ADRA1A: variants seen among roughly 807,000 people sequenced by gnomAD.
The protein encoded by ADRA1A is adrenoceptor alpha 1A.
In ADRA1A, 31 loss-of-function variants were observed where a neutral mutation model predicts 29.6. The observed-to-expected ratio is 1.05, with a 90% CI of 0.79 to 1.41. The LOEUF is 1.41. Among genes scored for constraint, ADRA1A ranks in the 40% most tolerant of loss-of-function variants. ADRA1A has a pLI of 0.00. For missense variants in ADRA1A, 619 were observed against 601.1 expected (o/e 1.03, Z -0.31); for synonymous variants, 311 against 254.3 (o/e 1.22, Z -2.12).
intron 2 of ADRA1A, among the ~76,000 whole-genome samples, chr8:26,845,369 C>T (rs1812123294): frequency 6.6e-6 from 1 of 152,138 alleles, no homozygotes; most frequent in Non-Finnish European, 1.5e-5. Context: ...TAGGGAAATG[C>T]AAAGCAACAT....
intron 2 of ADRA1A, among the ~76,000 whole-genome samples, chr8:26,816,671 G>A (rs947346501): frequency 6.6e-6 from 1 of 152,110 alleles, no homozygotes; most frequent in Non-Finnish European, 1.5e-5. Flanking sequence ...ACAAACACTC[G>A]AGTGGACACT....
chr8:26,819,038 C>T (rs1809968412), intron 2 of ADRA1A, among the ~76,000 whole-genome samples: 1 of 152,106 alleles, frequency 6.6e-6, no homozygotes, highest in Non-Finnish European at 1.5e-5. Flanking sequence ...CACAGAGACA[C>T]ATTATAATCA....
Position 26,848,639 on chromosome 8 carries a change from G to C in ADRA1A, c.883+15448C>G, listed in dbSNP as rs539354981. 1.3e-5 allele frequency among the ~76,000 whole-genome samples: 2 copies of C among 152,294 alleles called. No homozygotes were observed. Among genetic ancestry groups the C allele is most frequent in the African/African-American group, 4.8e-5 (2 of 41,572 alleles). On this transcript the variant is annotated intron_variant, in intron 2 of 2. Coordinates refer to ENST00000380573, the MANE Select transcript of ADRA1A (RefSeq NM_000680.4). The surrounding 1 kb of genome is among the most constrained non-coding windows in gnomAD (Gnocchi z 4.3). Reference sequence around the variant, plus strand: ...ATACCTGCCCAGGTATTCCATTATGGCAGCCTGAGCTGACAAGTCTACCGC... The same window carrying C: ...ATACCTGCCCAGGTATTCCATTATGCCAGCCTGAGCTGACAAGTCTACCGC...
chr8:26,757,859 G>A (rs77904552), intron 2 of ADRA1A, among the ~76,000 whole-genome samples: 2 of 151,294 alleles, frequency 1.3e-5, no homozygotes, highest in Non-Finnish European at 2.9e-5. Context: ...ATAAGCACAC[G>A]CACACACACA....
intron 2 of ADRA1A, among the ~76,000 whole-genome samples, chr8:26,855,914 C>A (rs1046446212): frequency 6.6e-6 from 1 of 152,128 alleles, no homozygotes; most frequent in Non-Finnish European, 1.5e-5. Flanking sequence ...CACCATGAAA[C>A]CATGAGGTGA....
chr8:26,856,652 G>A (rs1443348165), intron 2 of ADRA1A, among the ~76,000 whole-genome samples: 1 of 152,000 alleles, frequency 6.6e-6, no homozygotes, highest in African/African-American at 2.4e-5. Flanking sequence ...AATAGATCTG[G>A]ACTTAATAGT....
downstream of ADRA1A, among the ~76,000 whole-genome samples, chr8:26,766,592 G>T (rs1488558595): frequency 6.6e-6 from 1 of 152,140 alleles, no homozygotes; most frequent in Non-Finnish European, 1.5e-5. Flanking sequence ...AAAAAGTTTG[G>T]ATATGGCTTG....
downstream of ADRA1A, among the ~76,000 whole-genome samples, chr8:26,760,936 C>A (rs764364323): frequency 1.3e-5 from 2 of 152,180 alleles, no homozygotes; most frequent in Middle Eastern, 3.2e-3. Context: ...TTCCAGGTCC[C>A]TGGGGACTGG....
intron 2 of ADRA1A, among the ~76,000 whole-genome samples, chr8:26,780,044 G>T (rs1173668575): frequency 6.6e-6 from 1 of 152,154 alleles, no homozygotes; most frequent in Admixed American, 6.5e-5. Context: ...TGGGGTATCT[G>T]CCAAGACATG....
chr8:26,844,247 G>GTCT (rs1436313689), intron 2 of ADRA1A, among the ~76,000 whole-genome samples: 1 of 152,174 alleles, frequency 6.6e-6, no homozygotes, highest in Non-Finnish European at 1.5e-5. Flanking sequence ...TTCAGATTGA[G>GTCT]TTCACTGCCA....
At chr8:26,832,402 G>A (rs2130654803) in intron 2 of ADRA1A, among the ~76,000 whole-genome samples, 1 of 152,270 alleles carries the variant, frequency 6.6e-6, no homozygotes, top group South Asian at 2.1e-4. Flanking sequence ...TGCACTCTTT[G>A]CGGAGGCAAA....
In ADRA1A at chr8:26,825,160, T is replaced by G. The variant is rs4416829; in HGVS notation, c.883+38927A>C. On this transcript the variant is annotated intron_variant, in intron 2 of 2. Coordinates refer to ENST00000380573, the MANE Select transcript of ADRA1A (RefSeq NM_000680.4). This position sits in a 1 kb window ranked among gnomAD's most constrained non-coding sequence, Gnocchi z 5.7. ...CCCCCAGCCCCCACATGTCCCACCCTGAGCTTGCTAGGCCTTCCAGGGCCT... is the reference window on the plus strand; with the variant it reads ...CCCCCAGCCCCCACATGTCCCACCCGGAGCTTGCTAGGCCTTCCAGGGCCT... Among the ~76,000 whole-genome samples the G allele has an allele frequency of 6.6e-6, 1 of 151,992 alleles. No individual in the cohort carries two copies. Among genetic ancestry groups the G allele is most frequent in the Non-Finnish European group, 1.5e-5 (1 of 67,988 alleles).
rs570043 is a variant in ADRA1A at position 26,860,058 on chromosome 8, C to T, written c.883+4029G>A. 0.84 allele frequency among the ~76,000 whole-genome samples: 127,135 copies of T among 152,072 alleles called. 55,312 individuals are homozygous for T. Among genetic ancestry groups the T allele is most frequent in the Non-Finnish European group, 0.95 (64,841 of 68,004 alleles). On this transcript the variant is annotated intron_variant, in intron 2 of 2. Coordinates refer to ENST00000380573, the MANE Select transcript of ADRA1A (RefSeq NM_000680.4). This position sits in a 1 kb window ranked among gnomAD's most constrained non-coding sequence, Gnocchi z 4.7. Reference sequence around the variant, plus strand: ...CTGGGATTAGAGGCATGAGCCACCGCGCCTGGCACCTCACTAGGATTTAAA... The same window carrying T: ...CTGGGATTAGAGGCATGAGCCACCGTGCCTGGCACCTCACTAGGATTTAAA...
chr8:26,855,434 A>C (rs940958483), intron 2 of ADRA1A, among the ~76,000 whole-genome samples: 1 of 152,068 alleles, frequency 6.6e-6, no homozygotes, highest in African/African-American at 2.4e-5. Flanking sequence ...AGACAGAAAA[A>C]CTGCTGTATA....
In ADRA1A at chr8:26,796,404, A is replaced by G. The variant is rs887210437; in HGVS notation, c.884-25738T>C. ...AAGTTTTTTTAAATAGCTTTCATAAATAAGTTTGCTTTTTAATTCATCCTG... is the reference window on the plus strand; with the variant it reads ...AAGTTTTTTTAAATAGCTTTCATAAGTAAGTTTGCTTTTTAATTCATCCTG... On this transcript the variant is annotated intron_variant, in intron 2 of 2. Coordinates refer to ENST00000380573, the MANE Select transcript of ADRA1A (RefSeq NM_000680.4). The surrounding 1 kb of genome is among the most constrained non-coding windows in gnomAD (Gnocchi z 5.0). Among the ~76,000 whole-genome samples the G allele has an allele frequency of 2.6e-5, 4 of 152,174 alleles. No homozygotes were observed. Among genetic ancestry groups the G allele is most frequent in the South Asian group, 2.1e-4 (1 of 4,832 alleles).
chr8:26,770,534 T>G lies in ADRA1A; in HGVS notation c.1016A>C (p.Asn339Thr). The G allele has an allele frequency of 6.2e-7, 1 of 1,614,176 alleles. No individual in the cohort carries two copies. Among genetic ancestry groups the G allele is most frequent in the Non-Finnish European group, 8.5e-7 (1 of 1,180,016 alleles). The stretch of plus-strand genomic sequence containing the variant: ...GCAGAGACACTGGATTCTCAAGACA[T>G]TCTGAAAGGCCTTTTTGAACTCTTG... ...SSQEFKKAFQ[N>T]VLRIQCLCRK... The change falls in exon 3 of 3, where the codon AAT becomes ACT. Residue 339 changes from asparagine (N) to threonine (T), a missense_variant. Coordinates refer to ENST00000380573, the MANE Select transcript of ADRA1A (RefSeq NM_000680.4).
chr8:26,864,021 G>A lies in ADRA1A; in HGVS notation c.883+66C>T. ...CTCTTCCATCCCGGACTGGGAGTCT[G>A]GGGTAACAGAAGCCGAGGAGGGTGA... On this transcript the variant is annotated intron_variant, in intron 2 of 2. Coordinates refer to ENST00000380573, the MANE Select transcript of ADRA1A (RefSeq NM_000680.4). This position sits in a 1 kb window ranked among gnomAD's most constrained non-coding sequence, Gnocchi z 8.1. 1 of 1,506,618 alleles carries A rather than the reference G, an allele frequency of 6.6e-7. No homozygotes were observed. The highest frequency in any genetic ancestry group is 1.3e-5 in the South Asian group (1 of 76,728). The allele number at this position is 1,506,618 out of a possible 1,614,324, so 93.3% of individuals were successfully genotyped here.
Position 26,821,397 on chromosome 8 carries a change from G to A in ADRA1A, c.883+42690C>T, listed in dbSNP as rs940109968. On this transcript the variant is annotated intron_variant, in intron 2 of 2. Coordinates refer to ENST00000380573, the MANE Select transcript of ADRA1A (RefSeq NM_000680.4). This position sits in a 1 kb window ranked among gnomAD's most constrained non-coding sequence, Gnocchi z 5.6. ...ACATGGTGAGAGTGGGAGCAAGACA[G>A]AGCAAGGGAGTGGGGAGGCCTCAGA... Among the ~76,000 whole-genome samples the A allele has an allele frequency of 6.6e-6, 1 of 152,124 alleles. No homozygotes were observed. Among genetic ancestry groups the A allele is most frequent in the African/African-American group, 2.4e-5 (1 of 41,430 alleles).
chr8:26,790,385 C>T (rs1807728292), intron 2 of ADRA1A, among the ~76,000 whole-genome samples: 2 of 152,062 alleles, frequency 1.3e-5, no homozygotes, highest in African/African-American at 4.8e-5. Context: ...TGTTCTCACT[C>T]ATATGCAGAA....
Sources: allele counts gnomAD v4.1 joint callset (sites outside exome capture counted in the v4.1 genomes callset), GRCh38; gene constraint gnomAD v4.1.1; non-coding constraint Gnocchi (gnomAD v3.1); transcripts MANE v1.5; gene names NCBI Gene and HGNC (gene_info 2026-07-23, HGNC 2026-07-21).